TCF12: variants seen among roughly 807,000 people sequenced by gnomAD.
TCF12 encodes the protein DNA-binding protein HTF4.
TCF12 carries 45 observed loss-of-function variants against 86.0 expected under a neutral mutation model. That is an observed-to-expected ratio of 0.52 (90% CI 0.41 to 0.67). The LOEUF is 0.67. Among genes scored for constraint, TCF12 ranks in the 30% least tolerant of loss-of-function variants. The pLI is 0.00. For synonymous variants in TCF12, 330 were observed against 299.6 expected (o/e 1.10, Z -1.05); for missense variants, 881 against 859.9 (o/e 1.02, Z -0.31).
intron 13 of TCF12, chr15:57,247,571 T>C: frequency 1.1e-6 from 1 of 885,042 alleles, no homozygotes; most frequent in Non-Finnish European, 1.9e-6. Flanking sequence ...ACTCTGCCTG[T>C]CTTCCATAAC....
chr15:57,271,711 G>A (rs1478466160), intron 18 of TCF12, among the ~76,000 whole-genome samples: 5 of 152,110 alleles, frequency 3.3e-5, no homozygotes, highest in African/African-American at 1.2e-4. Flanking sequence ...GTTCCTATTT[G>A]GCCATCTTGG....
At chr15:57,177,125 T>G (rs1406361001) in intron 6 of TCF12, among the ~76,000 whole-genome samples, 3 of 152,122 alleles carry the variant, frequency 2.0e-5, no homozygotes, top group Non-Finnish European at 2.9e-5. Flanking sequence ...CCATGTGATC[T>G]AGGAAAGAGT....
chr15:57,218,947 A>G (rs1246579125), intron 8 of TCF12: 1 of 815,110 alleles, frequency 1.2e-6, no homozygotes, highest in Admixed American at 5.9e-5. Context: ...GATTTTGTAC[A>G]AGATTTAACT....
intron 6 of TCF12, among the ~76,000 whole-genome samples, chr15:57,185,413 T>A (rs1304146081): frequency 6.6e-6 from 1 of 152,178 alleles, no homozygotes; most frequent in Non-Finnish European, 1.5e-5. Context: ...TGTAAATACC[T>A]ACATTTAAGA....
chr15:56,998,772 T>A lies in TCF12; in HGVS notation c.149-64978T>A, dbSNP rs1242908774. Among the ~76,000 whole-genome samples the A allele has an allele frequency of 2.0e-5, 3 of 152,294 alleles. No individual in the cohort carries two copies. The East Asian group carries it at 5.8e-4, about 29-fold the overall frequency. ...AAGGGAACAATGCTCTAAGACAGAC[T>A]GTATCTCGGTCTTAATACAAACCTT... On this transcript the variant is annotated intron_variant, in intron 3 of 20. Transcript: ENST00000333725.
chr15:57,193,347 A>G (rs2057082069), intron 7 of TCF12, among the ~76,000 whole-genome samples: 1 of 152,184 alleles, frequency 6.6e-6, no homozygotes, highest in Non-Finnish European at 1.5e-5. Flanking sequence ...TGTCACCCCT[A>G]TCTAGTTCTG....
At chr15:57,279,562 A>G (rs2061583247) in intron 19 of TCF12, among the ~76,000 whole-genome samples, 3 of 152,164 alleles carry the variant, frequency 2.0e-5, no homozygotes, top group African/African-American at 7.2e-5. Flanking sequence ...TTTATTTCAC[A>G]TTTCCTAGAG....
intron 3 of TCF12, among the ~76,000 whole-genome samples, chr15:57,013,957 G>C (rs555103301): frequency 6.6e-6 from 1 of 152,214 alleles, no homozygotes; most frequent in African/African-American, 2.4e-5. Flanking sequence ...AAATGCTAAG[G>C]TGCAAGATGT....
At chr15:56,942,980 C>T (rs2060844882) in intron 3 of TCF12, among the ~76,000 whole-genome samples, 1 of 152,110 alleles carries the variant, frequency 6.6e-6, no homozygotes, top group Non-Finnish European at 1.5e-5. Flanking sequence ...TGAAAAATTG[C>T]AAGAACATAA....
intron 4 of TCF12, among the ~76,000 whole-genome samples, chr15:57,091,069 A>ACT (rs2048964582): frequency 6.6e-6 from 1 of 152,168 alleles, no homozygotes. Context: ...CATTAGCTTT[A>ACT]TTGTTTTTAA....
chr15:57,235,044 G>A (rs1002399808), intron 12 of TCF12, among the ~76,000 whole-genome samples: 2 of 152,172 alleles, frequency 1.3e-5, no homozygotes, highest in African/African-American at 2.4e-5. Context: ...TATTGTTGGT[G>A]TAAATAAATT....
At chr15:57,240,728 A>G (rs1438667321) in intron 12 of TCF12, among the ~76,000 whole-genome samples, 4 of 151,906 alleles carry the variant, frequency 2.6e-5, no homozygotes, top group African/African-American at 7.3e-5. Flanking sequence ...CAAAAAATAC[A>G]AAAATGTTGG....
intron 8 of TCF12, among the ~76,000 whole-genome samples, chr15:57,209,360 C>G (rs2058006310): frequency 1.3e-5 from 2 of 152,118 alleles, no homozygotes. Flanking sequence ...GGTAATTCAG[C>G]CATCAGCATT....
chr15:57,087,453 G>A (rs1367080646), intron 4 of TCF12, among the ~76,000 whole-genome samples: 4 of 150,358 alleles, frequency 2.7e-5, no homozygotes, highest in African/African-American at 9.8e-5. Context: ...ATTTGATTAT[G>A]TGCTGTTTAG....
chr15:57,288,429 A>AT lies in TCF12; in HGVS notation c.*2291dup, dbSNP rs878908200. 3 of 152,680 alleles carry AT rather than the reference A, an allele frequency of 2.0e-5. No individual in the cohort carries two copies. In the South Asian group the frequency reaches 6.2e-4, roughly 32 times the overall value. The allele number at this position is 152,680 out of a possible 1,614,324, so 9.5% of individuals were successfully genotyped here. A position where few individuals can be genotyped will look rare whatever the true frequency, so the allele number is the denominator to read the frequency against. On this transcript the variant is annotated 3_prime_UTR_variant, in exon 21 of 21. Coordinates refer to ENST00000333725, the MANE Select transcript of TCF12 (RefSeq NM_207037.2). ...TTTCAACCAGCAGCAAGAAGTTCAAATTTTTTTCTGTCACTGTAACAGAAA... is the reference window on the plus strand; with the variant it reads ...TTTCAACCAGCAGCAAGAAGTTCAAATTTTTTTTCTGTCACTGTAACAGAAA...
intron 6 of TCF12, among the ~76,000 whole-genome samples, chr15:57,170,111 A>G (rs1273521329): frequency 6.6e-6 from 1 of 152,206 alleles, no homozygotes; most frequent in Non-Finnish European, 1.5e-5. Context: ...CTAAGGTATT[A>G]TGCTTAAGGC....
At chr15:57,097,371 T>C (rs1427817314) in intron 5 of TCF12, among the ~76,000 whole-genome samples, 3 of 150,866 alleles carry the variant, frequency 2.0e-5, no homozygotes, top group African/African-American at 7.3e-5. Context: ...CTACAAAAAA[T>C]AAAAAAAATT....
intron 5 of TCF12, among the ~76,000 whole-genome samples, chr15:57,143,946 T>G (rs1291130781): frequency 6.6e-6 from 1 of 152,196 alleles, no homozygotes; most frequent in African/African-American, 2.4e-5. Context: ...AGGGTTTTTT[T>G]GACAATTGAG....
chr15:57,054,183 C>T (rs1186469146), intron 3 of TCF12, among the ~76,000 whole-genome samples: 2 of 152,032 alleles, frequency 1.3e-5, no homozygotes, highest in African/African-American at 2.4e-5. Flanking sequence ...AAGACTTGAA[C>T]CAGGGAGTAC....
Sources: gnomAD v4.1 joint callset for allele counts (sites outside exome capture counted in the v4.1 genomes callset) on GRCh38, gnomAD v4.1.1 for gene constraint, MANE v1.5 for transcripts, NCBI Gene and HGNC (gene_info 2026-07-23, HGNC 2026-07-21) for gene names.